The following ZC3H7B variants were observed in gnomAD, a reference collection of about 807,000 sequenced individuals.
ZC3H7B encodes zinc finger CCCH-type containing 7B.
A neutral mutation model predicts 116.0 loss-of-function variants in ZC3H7B; 35 were observed. The observed-to-expected ratio is 0.30, with a 90% CI of 0.23 to 0.40. The LOEUF (loss-of-function observed/expected upper bound fraction) is 0.40. Ranked by LOEUF, ZC3H7B falls within the 10% of genes least tolerant of loss-of-function variation. The pLI, the probability that ZC3H7B is intolerant of heterozygous loss-of-function variation, is 1.00. For missense variants in ZC3H7B, 1,011 were observed against 1,321.5 expected (o/e 0.77, Z 3.64); for synonymous variants, 502 against 545.6 (o/e 0.92, Z 1.11).
chr22:41,319,462 T>A (rs867742212), intron 1 of ZC3H7B, among the ~76,000 whole-genome samples: 5 of 149,370 alleles, frequency 3.3e-5, no homozygotes, highest in South Asian at 4.3e-4. Context: ...CCCAGCTACT[T>A]GGGAGGCTGA....
chr22:41,319,631 T>C (rs906651229), intron 1 of ZC3H7B, among the ~76,000 whole-genome samples: 3 of 151,268 alleles, frequency 2.0e-5, no homozygotes, highest in Admixed American at 2.0e-4. Flanking sequence ...TATAGCACCC[T>C]GTCACTCTAT....
At chr22:41,330,859 T>C (rs1274379981) in intron 6 of ZC3H7B, among the ~76,000 whole-genome samples, 3 of 117,810 alleles carry the variant, frequency 2.5e-5, no homozygotes, top group African/African-American at 7.6e-5. Context: ...GGAGAATCAC[T>C]TTTTTTTTTT....
rs1396967502 is a variant in ZC3H7B at position 41,351,232 on chromosome 22, G to A, written c.1949-329G>A. Among the ~76,000 whole-genome samples, 1 of 152,196 alleles carries A rather than the reference G, an allele frequency of 6.6e-6. No homozygotes were observed. The highest frequency in any genetic ancestry group is 1.5e-5 in the Non-Finnish European group (1 of 68,034). On this transcript the variant is annotated intron_variant, in intron 16 of 22. Coordinates refer to ENST00000352645, the MANE Select transcript of ZC3H7B (RefSeq NM_017590.6). This position sits in a 1 kb window ranked among gnomAD's most constrained non-coding sequence, Gnocchi z 5.1. ...TGAGGGAGATGGGGGTCAGGGAAGG[G>A]TGCTGAGTCACCGGCCCAAGAGACA...
rs1161897676 is a variant in ZC3H7B, at chr22:41,357,522, G to C, written c.*93G>C. On this transcript the variant is annotated 3_prime_UTR_variant, in exon 23 of 23. Coordinates refer to ENST00000352645, the MANE Select transcript of ZC3H7B (RefSeq NM_017590.6). This position sits in a 1 kb window ranked among gnomAD's most constrained non-coding sequence, Gnocchi z 5.4. The stretch of plus-strand genomic sequence containing the variant: ...AAGGGTCAGGGCAGGCCAGGGGGGT[G>C]GGGGGCCGCCCTCATCAGGCAGCCC... 5.7e-6 allele frequency: 5 copies of C among 873,726 alleles called. No homozygotes were observed. In the East Asian group the frequency reaches 1.8e-4, roughly 31 times the overall value. 54.1% of individuals were successfully genotyped at this position (873,726 alleles called of 1,614,324 possible).
intron 2 of ZC3H7B, among the ~76,000 whole-genome samples, chr22:41,321,958 G>A (rs2036262678): frequency 7.1e-6 from 1 of 140,330 alleles, no homozygotes; most frequent in South Asian, 2.3e-4. Context: ...TCCTGCCTCA[G>A]CCTCCCAAGT....
intron 2 of ZC3H7B, among the ~76,000 whole-genome samples, chr22:41,325,214 G>A (rs958954624): frequency 1.6e-4 from 25 of 152,090 alleles, no homozygotes; most frequent in Admixed American, 1.4e-3. Flanking sequence ...AACTGAGCTG[G>A]GCTAGGACTG....
chr22:41,324,301 A>G (rs1285630008), intron 2 of ZC3H7B, among the ~76,000 whole-genome samples: 1 of 152,090 alleles, frequency 6.6e-6, no homozygotes, highest in Non-Finnish European at 1.5e-5. Context: ...AACTGGGGAC[A>G]CCTTCCACAC....
At chr22:41,305,856 T>C (rs185321216) in intron 1 of ZC3H7B, among the ~76,000 whole-genome samples, 20 of 152,258 alleles carry the variant, frequency 1.3e-4, no homozygotes, top group African/African-American at 4.8e-4. Context: ...TGATTCACCC[T>C]CTGTGCCTCC....
rs2145936291 is a variant in ZC3H7B, at chr22:41,346,845, C to T, written c.1665+637C>T. ...GGGCTTGGTGGCATGCGCCTCCCGT[C>T]CCAGTTACTCAGGAGGCTAAGGTGG... On this transcript the variant is annotated intron_variant, in intron 14 of 22. Coordinates refer to ENST00000352645, the MANE Select transcript of ZC3H7B (RefSeq NM_017590.6). This position sits in a 1 kb window ranked among gnomAD's most constrained non-coding sequence, Gnocchi z 5.3. Among the ~76,000 whole-genome samples the T allele has an allele frequency of 6.6e-6, 1 of 151,834 alleles. No individual in the cohort carries two copies. Among genetic ancestry groups the T allele is most frequent in the East Asian group, 1.9e-4 (1 of 5,188 alleles).
In ZC3H7B at chr22:41,302,313, G is replaced by T. The variant is rs1396722753; in HGVS notation, c.-7+541G>T. On this transcript the variant is annotated intron_variant, in intron 1 of 22. Transcript: ENST00000352645. This position sits in a 1 kb window ranked among gnomAD's most constrained non-coding sequence, Gnocchi z 5.7. ...GCCGCCCGACGGGCCGCCCCTTTCG[G>T]CTGCGGCGGCCACGCGAGCCCGGGG... Among the ~76,000 whole-genome samples, 1 of 151,796 alleles carries T rather than the reference G, an allele frequency of 6.6e-6. No individual in the cohort carries two copies. Among genetic ancestry groups the T allele is most frequent in the Non-Finnish European group, 1.5e-5 (1 of 67,874 alleles).
chr22:41,340,020 C>A lies in ZC3H7B; in HGVS notation c.1021C>A (p.Pro341Thr). The change falls in exon 10 of 23, where the codon CCC (proline) becomes ACC (threonine). Residue 341 changes from proline (P) to threonine (T), a missense_variant. Transcript: ENST00000352645. ...CGCCTCTGTGCTGGATGCCCTCGAT[C>A]CCCCGGGCCCCACGCTGGACCCCCT... Reference protein sequence around the residue: ...LAASVLDALDPPGPTLDPLDL... With the variant: ...LAASVLDALDTPGPTLDPLDL... The A allele has an allele frequency of 6.2e-7, 1 of 1,610,970 alleles. No homozygotes were observed. Among genetic ancestry groups the A allele is most frequent in the South Asian group, 1.1e-5 (1 of 91,070 alleles).
At chr22:41,307,443 T>C (rs533848458) in intron 1 of ZC3H7B, among the ~76,000 whole-genome samples, 1 of 152,320 alleles carries the variant, frequency 6.6e-6, no homozygotes, top group Admixed American at 6.5e-5. Context: ...GTGTTGGTGC[T>C]GTCTCCCCAC....
chr22:41,341,278 G>A, intron 11 of ZC3H7B, 132 bp downstream of exon 11: 2 of 1,081,048 alleles, frequency 1.9e-6, no homozygotes, highest in Non-Finnish European at 1.3e-6. Context: ...CAGAGTGGAT[G>A]GATCAAAGAT....
chr22:41,341,155 CTT>C lies in ZC3H7B; in HGVS notation c.1197+10_1197+11del, dbSNP rs1442701829. ...AGAAACCAGCCCCCTCGGTGAGTGA[CTT>C]GAGTGGGGATCCAGGCCTCTCATTC... is the stretch of plus-strand genomic sequence containing the variant. On this transcript the variant is annotated intron_variant, in intron 11 of 22. Transcript: ENST00000352645. 2 of 1,613,824 alleles carry C rather than the reference CTT, an allele frequency of 1.2e-6. No individual in the cohort carries two copies. The highest frequency in any genetic ancestry group is 1.3e-5 in the African/African-American group (1 of 74,918).
chr22:41,351,699 AT>A lies in ZC3H7B; in HGVS notation c.2034+55del. On this transcript the variant is annotated intron_variant, in intron 17 of 22. Transcript: ENST00000352645. The surrounding 1 kb of genome is among the most constrained non-coding windows in gnomAD (Gnocchi z 5.1). Reference sequence around the variant, plus strand: ...TTCAGATTTTGTGAATTGTCCCCAAATTACAAACAGGAAGGCTCTAATTTTA... The same window carrying A: ...TTCAGATTTTGTGAATTGTCCCCAAATACAAACAGGAAGGCTCTAATTTTA... The A allele has an allele frequency of 6.4e-7, 1 of 1,554,012 alleles. No homozygotes were observed. Among genetic ancestry groups the A allele is most frequent in the African/African-American group, 1.4e-5 (1 of 73,766 alleles).
chr22:41,303,315 CT>C (rs1307404532), intron 1 of ZC3H7B, among the ~76,000 whole-genome samples: 3 of 152,152 alleles, frequency 2.0e-5, no homozygotes, highest in Admixed American at 1.3e-4. Context: ...GATAAAGTTT[CT>C]GTTCTGTAGA....
chr22:41,354,368 G>A (rs928213160), intron 17 of ZC3H7B, among the ~76,000 whole-genome samples: 4 of 152,190 alleles, frequency 2.6e-5, no homozygotes, highest in Admixed American at 1.3e-4. Context: ...AGGGTCACAC[G>A]TGTGTTATTC....
intron 1 of ZC3H7B, among the ~76,000 whole-genome samples, chr22:41,305,630 AG>A (rs1053038958): frequency 2.0e-5 from 3 of 152,118 alleles, no homozygotes; most frequent in Non-Finnish European, 4.4e-5. Context: ...CAGGGCCCCG[AG>A]GGGCTGGACC....
Position 41,357,536 on chromosome 22 carries a change from A to C in ZC3H7B, c.*107A>C. On this transcript the variant is annotated 3_prime_UTR_variant, in exon 23 of 23. Coordinates refer to ENST00000352645, the MANE Select transcript of ZC3H7B (RefSeq NM_017590.6). The surrounding 1 kb of genome is among the most constrained non-coding windows in gnomAD (Gnocchi z 5.4). Reference sequence around the variant, plus strand: ...GCCAGGGGGGTGGGGGGCCGCCCTCATCAGGCAGCCCCCAGCCCCCTGAGG... The same window carrying C: ...GCCAGGGGGGTGGGGGGCCGCCCTCCTCAGGCAGCCCCCAGCCCCCTGAGG... 1 of 931,386 alleles carries C rather than the reference A, an allele frequency of 1.1e-6. No individual in the cohort carries two copies. Among genetic ancestry groups the C allele is most frequent in the Non-Finnish European group, 1.5e-6 (1 of 652,366 alleles). The allele number at this position is 931,386 out of a possible 1,614,324, so 57.7% of individuals were successfully genotyped here. A position where few individuals can be genotyped will look rare whatever the true frequency, so the allele number is the denominator to read the frequency against.
Sources: allele counts gnomAD v4.1 joint callset (sites outside exome capture counted in the v4.1 genomes callset), GRCh38; gene constraint gnomAD v4.1.1; non-coding constraint Gnocchi (gnomAD v3.1); transcripts MANE v1.5; gene names NCBI Gene and HGNC (gene_info 2026-07-23, HGNC 2026-07-21).